Variants in RNF128 observed in about 807,000 individuals in gnomAD.
RNF128 encodes ring finger protein 128, also known as E3 ubiquitin-protein ligase RNF128.
RNF128 carries 13 observed loss-of-function variants against 26.2 expected under a neutral mutation model. That is an observed-to-expected ratio of 0.50 (90% CI 0.32 to 0.79). The LOEUF is 0.79. Ranked by LOEUF, RNF128 falls within the 30% of genes least tolerant of loss-of-function variation. The pLI is 0.03. For missense variants in RNF128, 315 were observed against 349.7 expected, an observed-to-expected ratio of 0.90 and a Z score of 0.79; for synonymous variants, 149 against 142.5, an observed-to-expected ratio of 1.05 and a Z score of -0.32.
chrX:106,718,533 C>G (rs935437553), intron 1 of RNF128, among the ~76,000 whole-genome samples: 7 of 109,582 alleles, frequency 6.4e-5, no homozygotes, highest in African/African-American at 2.0e-4. Context: ...CCCCCACCCC[C>G]CAGCTAATTG....
chrX:106,794,241 C>T (rs1039275738), intron 6 of RNF128, among the ~76,000 whole-genome samples: 3 of 110,794 alleles, frequency 2.7e-5, no homozygotes, highest in Non-Finnish European at 3.8e-5. Context: ...TTGCTCATAT[C>T]ATCCTAGATT....
At chrX:106,774,883 C>A (rs2147696185) in intron 2 of RNF128, among the ~76,000 whole-genome samples, 1 of 112,084 alleles carries the variant, frequency 8.9e-6, no homozygotes, top group East Asian at 2.8e-4. Flanking sequence ...AAAAGGAACT[C>A]AATTTATTTA....
intron 1 of RNF128, among the ~76,000 whole-genome samples, chrX:106,748,035 G>A (rs780459528): frequency 1.3e-4 from 15 of 111,636 alleles, no homozygotes; most frequent in South Asian, 7.5e-4. Flanking sequence ...CTGTATAACC[G>A]GTCCACAAGA....
intron 1 of RNF128, among the ~76,000 whole-genome samples, chrX:106,728,300 G>A (rs1177224838): frequency 8.9e-6 from 1 of 111,851 alleles, no homozygotes; most frequent in Non-Finnish European, 1.9e-5. Flanking sequence ...GTTTTTAAGA[G>A]CTGGGCCTCA....
At chrX:106,723,892 T>G (rs1929354874), upstream of RNF128, among the ~76,000 whole-genome samples, 1 of 111,065 alleles carries the variant, frequency 9.0e-6, no homozygotes, top group Admixed American at 9.6e-5. Context: ...ATAGTTTATC[T>G]CTCTGATTGT....
intron 1 of RNF128, among the ~76,000 whole-genome samples, chrX:106,714,919 A>G (rs772336327): frequency 8.9e-6 from 1 of 112,210 alleles, no homozygotes; most frequent in South Asian, 3.7e-4. Context: ...ATTCCATGGT[A>G]TAGATGTACC....
At chrX:106,755,934 C>CTT (rs1930000436) in intron 1 of RNF128, among the ~76,000 whole-genome samples, 2 of 111,081 alleles carry the variant, frequency 1.8e-5, no homozygotes, top group Admixed American at 1.9e-4. Context: ...ATTCTTAATA[C>CTT]ACCAACAACA....
chrX:106,728,721 C>CCCTTCT (rs1310344968), intron 1 of RNF128, among the ~76,000 whole-genome samples: 1 of 111,776 alleles, frequency 8.9e-6, no homozygotes, highest in East Asian at 2.8e-4. Context: ...CCTTCTTTGC[C>CCCTTCT]TCTACCGACT....
chrX:106,744,710 C>T (rs183540647), intron 1 of RNF128, among the ~76,000 whole-genome samples: 11 of 111,437 alleles, frequency 9.9e-5, no homozygotes, highest in Admixed American at 4.8e-4. Flanking sequence ...CCACCCACCT[C>T]GGCCTCCCAA....
chrX:106,708,980 C>CT (rs1929084345), intron 1 of RNF128, among the ~76,000 whole-genome samples: 1 of 111,244 alleles, frequency 9.0e-6, no homozygotes, highest in Admixed American at 9.5e-5. Context: ...ATTGTGGGGT[C>CT]TTTTTTTGTA....
rs776841169 is a variant in RNF128 at position 106,726,896 on chromosome X, C to T, written c.-18C>T. ...GGCGCGTGCCAGGGGCGCTAGGGAA[C>T]TGCGGAGCGCGCGCGCCATGGGGCC... is the stretch of plus-strand genomic sequence containing the variant. On this transcript the variant is annotated 5_prime_UTR_variant, in exon 1 of 7. Coordinates refer to ENST00000255499, the MANE Select transcript of RNF128 (RefSeq NM_194463.2). The T allele has an allele frequency of 6.0e-6, 7 of 1,158,233 alleles. No homozygotes were observed. The highest frequency in any genetic ancestry group is 2.0e-5 in the South Asian group (1 of 50,286).
chrX:106,771,632 A>G (rs1199967604), intron 1 of RNF128, among the ~76,000 whole-genome samples: 1 of 112,142 alleles, frequency 8.9e-6, no homozygotes, highest in Non-Finnish European at 1.9e-5. Flanking sequence ...GAGTGTCCCG[A>G]TTTTCCAGGT....
intron 6 of RNF128, among the ~76,000 whole-genome samples, chrX:106,794,149 A>G (rs2147706118): frequency 9.0e-6 from 1 of 110,726 alleles, no homozygotes; most frequent in African/African-American, 3.3e-5. Context: ...TCCTCCATTT[A>G]TTTATTGAGT....
chrX:106,716,612 G>C (rs747768915), intron 1 of RNF128, among the ~76,000 whole-genome samples: 83 of 110,360 alleles, frequency 7.5e-4, no homozygotes, highest in Non-Finnish European at 5.3e-4. Flanking sequence ...CAACAAAAAC[G>C]TTAGGAAAAA....
At chrX:106,786,959 G>A (rs1930668542) in intron 3 of RNF128, among the ~76,000 whole-genome samples, 1 of 111,387 alleles carries the variant, frequency 9.0e-6, no homozygotes, top group African/African-American at 3.3e-5. Context: ...ACCAAGAGCT[G>A]GGCGAGATTT....
intron 1 of RNF128, among the ~76,000 whole-genome samples, chrX:106,696,561 A>C (rs1928876583): frequency 1.8e-5 from 2 of 111,144 alleles, no homozygotes; most frequent in Admixed American, 9.6e-5. Flanking sequence ...TCCTCCTACA[A>C]TAAAGCTCAC....
intron 1 of RNF128, among the ~76,000 whole-genome samples, chrX:106,767,055 A>G (rs1195640719): frequency 2.7e-5 from 3 of 111,068 alleles, no homozygotes; most frequent in African/African-American, 9.8e-5. Flanking sequence ...TGAGGGCTCT[A>G]TTCTGTTCCA....
At chrX:106,712,213 G>A (rs764905900) in intron 1 of RNF128, among the ~76,000 whole-genome samples, 42 of 111,780 alleles carry the variant, frequency 3.8e-4, no homozygotes, top group Non-Finnish European at 6.6e-4. Flanking sequence ...AGCCAACTTC[G>A]AGTGTCTTTT....
At chrX:106,719,484 G>A (rs916695277) in intron 1 of RNF128, among the ~76,000 whole-genome samples, 1 of 111,611 alleles carries the variant, frequency 9.0e-6, no homozygotes, top group African/African-American at 3.3e-5. Context: ...GCCTCCCAAA[G>A]TGCTGGGATT....
Sources: allele counts gnomAD v4.1 joint callset (sites outside exome capture counted in the v4.1 genomes callset), GRCh38; gene constraint gnomAD v4.1.1; transcripts MANE v1.5; gene names NCBI Gene and HGNC (gene_info 2026-07-23, HGNC 2026-07-21).